Variants in PDE8B observed in about 807,000 individuals in gnomAD.
PDE8B encodes the protein phosphodiesterase 8B.
PDE8B carries 26 observed loss-of-function variants against 101.3 expected under a neutral mutation model. The ratio of observed to expected loss-of-function variants is 0.26; its 90% CI spans 0.19 to 0.36. PDE8B has a LOEUF of 0.36. Ranked by LOEUF, PDE8B falls within the 10% of genes least tolerant of loss-of-function variation. The pLI, the probability that PDE8B is intolerant of heterozygous loss-of-function variation, is 1.00. For missense variants in PDE8B, 810 were observed against 1,163.1 expected, an observed-to-expected ratio of 0.70 and a Z score of 4.42; for synonymous variants, 424 against 429.3, an observed-to-expected ratio of 0.99 and a Z score of 0.15.
At chr5:77,410,137 A>G (rs1277727939) in intron 14 of PDE8B, among the ~76,000 whole-genome samples, 1 of 152,262 alleles carries the variant, frequency 6.6e-6, no homozygotes, top group African/African-American at 2.4e-5. Flanking sequence ...CCAGGAAATA[A>G]TTCAAGGGCA....
At chr5:77,327,522 GA>G (rs915936716) in intron 3 of PDE8B, among the ~76,000 whole-genome samples, 2 of 152,194 alleles carry the variant, frequency 1.3e-5, no homozygotes, top group Non-Finnish European at 2.9e-5. Flanking sequence ...GCTGGGGTGG[GA>G]AAGACTGAAT....
the PDE8B span, among the ~76,000 whole-genome samples, chr5:77,192,571 A>G: frequency 6.6e-6 from 1 of 152,296 alleles, no homozygotes; most frequent in Non-Finnish European, 1.5e-5. Context: ...GTATTTACTC[A>G]CCTACTAATG....
chr5:77,300,695 G>A (rs948117650), intron 1 of PDE8B, among the ~76,000 whole-genome samples: 8 of 152,228 alleles, frequency 5.3e-5, no homozygotes, highest in African/African-American at 1.9e-4. Context: ...AGGGGCCAAG[G>A]GCTGGGCCTA....
intron 1 of PDE8B, among the ~76,000 whole-genome samples, chr5:77,225,157 C>G (rs1025502857): frequency 1.3e-5 from 2 of 152,178 alleles, no homozygotes; most frequent in Non-Finnish European, 2.9e-5. Context: ...TAAAGATAAA[C>G]TTCCCTCCAT....
At chr5:77,121,123 G>C in the PDE8B span, among the ~76,000 whole-genome samples, 1 of 152,190 alleles carries the variant, frequency 6.6e-6, no homozygotes, top group East Asian at 1.9e-4. Context: ...AATTCCTGTG[G>C]GTCAGGAATT....
chr5:77,268,370 T>A (rs1762147857), intron 1 of PDE8B, among the ~76,000 whole-genome samples: 1 of 152,104 alleles, frequency 6.6e-6, no homozygotes, highest in African/African-American at 2.4e-5. Flanking sequence ...CCAATTATGT[T>A]CTTTTAGTTA....
At chr5:77,132,393 C>T in the PDE8B span, among the ~76,000 whole-genome samples, 1 of 152,146 alleles carries the variant, frequency 6.6e-6, no homozygotes, top group African/African-American at 2.4e-5. Context: ...TCTTCCCATT[C>T]TCTCAATATA....
chr5:77,128,318 T>C, the PDE8B span, among the ~76,000 whole-genome samples: 1 of 152,204 alleles, frequency 6.6e-6, no homozygotes, highest in Non-Finnish European at 1.5e-5. Context: ...CCTGGCTACC[T>C]GCAAAGTATG....
intron 2 of PDE8B, among the ~76,000 whole-genome samples, chr5:77,319,193 G>A (rs1187574098): frequency 6.6e-6 from 1 of 152,184 alleles, no homozygotes; most frequent in Non-Finnish European, 1.5e-5. Context: ...CCAACAACAT[G>A]TTTCAAATTG....
intron 1 of PDE8B, among the ~76,000 whole-genome samples, chr5:77,263,052 T>TGTTGA (rs1337218974): frequency 6.6e-6 from 1 of 152,204 alleles, no homozygotes; most frequent in East Asian, 1.9e-4. Context: ...ATACACTGAA[T>TGTTGA]GTTGACTCTA....
chr5:77,426,049 T>C, intron 21 of PDE8B, 153 bp downstream of exon 21: 1 of 714,916 alleles, frequency 1.4e-6, no homozygotes, highest in Non-Finnish European at 2.5e-6. Context: ...GGGTGCATTC[T>C]TTGCATCCCC....
At chr5:77,248,012 A>G (rs918584439) in intron 1 of PDE8B, among the ~76,000 whole-genome samples, 1 of 152,242 alleles carries the variant, frequency 6.6e-6, no homozygotes, top group African/African-American at 2.4e-5. Flanking sequence ...GTTTGGATCT[A>G]TTATAACAGC....
chr5:77,285,540 G>T (rs1024169630), intron 1 of PDE8B, among the ~76,000 whole-genome samples: 1 of 151,982 alleles, frequency 6.6e-6, no homozygotes, highest in African/African-American at 2.4e-5. Context: ...TTTGTCTTTG[G>T]CTTTCAGCAG....
At chr5:77,129,122 A>G in the PDE8B span, among the ~76,000 whole-genome samples, 41 of 152,258 alleles carry the variant, frequency 2.7e-4, no homozygotes, top group African/African-American at 9.6e-4. Flanking sequence ...AAAATTACCA[A>G]CGTTTTCCCA....
At chr5:77,322,432 A>G (rs988566944) in intron 2 of PDE8B, among the ~76,000 whole-genome samples, 1 of 152,154 alleles carries the variant, frequency 6.6e-6, no homozygotes, top group Non-Finnish European at 1.5e-5. Flanking sequence ...TGTGAAATCC[A>G]GTTTTGTAAC....
chr5:77,230,452 C>A (rs1378751017), intron 1 of PDE8B, among the ~76,000 whole-genome samples: 1 of 152,116 alleles, frequency 6.6e-6, no homozygotes, highest in Non-Finnish European at 1.5e-5. Context: ...GTCTGCCCAG[C>A]CTGTGCATTT....
At chr5:77,306,066 A>G (rs1771140118) in intron 1 of PDE8B, among the ~76,000 whole-genome samples, 1 of 152,270 alleles carries the variant, frequency 6.6e-6, no homozygotes, top group Admixed American at 6.5e-5. Flanking sequence ...ACACGCATGC[A>G]TACCCTTTTT....
intron 1 of PDE8B, among the ~76,000 whole-genome samples, chr5:77,242,802 G>A (rs1238617056): frequency 6.6e-6 from 1 of 152,012 alleles, no homozygotes; most frequent in Non-Finnish European, 1.5e-5. Flanking sequence ...CTGTAGCTGC[G>A]ACTACAGGCA....
At chr5:77,137,390 T>C in the PDE8B span, among the ~76,000 whole-genome samples, 1 of 152,114 alleles carries the variant, frequency 6.6e-6, no homozygotes, top group Admixed American at 6.5e-5. Flanking sequence ...CTTTTCCAAA[T>C]GGCCTATTCA....
Sources: gnomAD v4.1 joint callset for allele counts (sites outside exome capture counted in the v4.1 genomes callset) on GRCh38, gnomAD v4.1.1 for gene constraint, MANE v1.5 for transcripts, NCBI Gene and HGNC (gene_info 2026-07-23, HGNC 2026-07-21) for gene names.